Variants in SMARCA2 observed in about 807,000 individuals in gnomAD.
The protein encoded by SMARCA2 is SWI/SNF-related matrix-associated actin-dependent regulator of chromatin subfamily A member 2.
In SMARCA2, 61 loss-of-function variants were observed where a neutral mutation model predicts 199.8. The observed-to-expected ratio is 0.31, with a 90% CI of 0.25 to 0.38. SMARCA2 has a LOEUF of 0.38. SMARCA2 is among the 10% of genes least tolerant of loss of function. The pLI, the probability that SMARCA2 is intolerant of heterozygous loss-of-function variation, is 1.00. For synonymous variants in SMARCA2, 935 were observed against 732.0 expected (o/e 1.28, Z -4.48); for missense variants, 1,344 against 2,012.2 (o/e 0.67, Z 6.35).
chr9:2,069,644 G>C (rs1821005774), intron 9 of SMARCA2, among the ~76,000 whole-genome samples: 1 of 151,978 alleles, frequency 6.6e-6, no homozygotes, highest in Non-Finnish European at 1.5e-5. Flanking sequence ...ACACATGGTA[G>C]AAATACTATA....
In SMARCA2 at chr9:2,066,923, G is replaced by A. The variant is rs543211291; in HGVS notation, c.1693-3495G>A. On this transcript the variant is annotated intron_variant, in intron 9 of 33. Transcript: ENST00000349721. ...GTGTTAATTTTGAACCAAGAAAAAG[G>A]GACAGTTGTGTTTGTTTTGCTTTGT... is the stretch of plus-strand genomic sequence containing the variant. Among the ~76,000 whole-genome samples the A allele has an allele frequency of 1.8e-4, 27 of 152,248 alleles. No individual in the cohort carries two copies. In the East Asian group the frequency reaches 4.8e-3, roughly 27 times the overall value.
chr9:2,107,567 C>T (rs1822812138), intron 23 of SMARCA2, among the ~76,000 whole-genome samples: 1 of 152,192 alleles, frequency 6.6e-6, no homozygotes, highest in Admixed American at 6.5e-5. Context: ...ATCCGCCCAC[C>T]TTGGCCTCCC....
At chr9:2,177,622 A>G (rs12350707) in intron 29 of SMARCA2, among the ~76,000 whole-genome samples, 1,685 of 151,814 alleles carry the variant, frequency 0.011, 30 homozygotes, top group African/African-American at 0.037. Context: ...GCGCGATCTC[A>G]GCTCACCACA....
chr9:2,147,156 A>G (rs1031199027), intron 27 of SMARCA2, among the ~76,000 whole-genome samples: 1 of 152,006 alleles, frequency 6.6e-6, no homozygotes, highest in Non-Finnish European at 1.5e-5. Flanking sequence ...AGATCTGAGC[A>G]ATAGGATACA....
intron 31 of SMARCA2, among the ~76,000 whole-genome samples, chr9:2,183,638 G>GCA (rs1563838357): frequency 0.01 from 1,580 of 151,622 alleles, 26 homozygotes; most frequent in African/African-American, 0.037. Context: ...ATCAAACAAA[G>GCA]GAATAGAGAA....
Position 2,047,453 on chromosome 9 carries a change from C to T in SMARCA2, c.1015C>T (p.Pro339Ser), listed in dbSNP as rs1819915137. ...CATCCAGAAACCGCAAGGCCTGGAC[C>T]CCGTGGAAATTCTGCAAGAGCGGGA... The part of the protein sequence containing the change: ...SPIQKPQGLD[P>S]VEILQEREYR... The change falls in exon 5 of 34, where the codon CCC becomes TCC. Residue 339 changes from proline to serine, a missense_variant. Physicochemically the swap from Pro to Ser is moderately conservative, Grantham distance 74 (BLOSUM62 -1). This residue lies in a region of SMARCA2 where 155 missense variants were observed against 260.0 expected (regional missense o/e 0.60). Coordinates refer to ENST00000349721, the MANE Select transcript of SMARCA2 (RefSeq NM_003070.5). 3 of 1,547,980 alleles carry T rather than the reference C, an allele frequency of 1.9e-6. No individual in the cohort carries two copies. Among genetic ancestry groups the T allele is most frequent in the South Asian group, 1.2e-5 (1 of 82,680 alleles).
chr9:2,062,643 A>G (rs1396146953), intron 9 of SMARCA2, among the ~76,000 whole-genome samples: 1 of 152,114 alleles, frequency 6.6e-6, no homozygotes, highest in African/African-American at 2.4e-5. Flanking sequence ...CTTGCCTTCA[A>G]TTTGGTAATA....
chr9:2,072,031 G>T (rs1481248222), intron 10 of SMARCA2: 1 of 152,194 alleles, frequency 6.6e-6, no homozygotes, highest in African/African-American at 2.4e-5. Context: ...TGTGCTGACA[G>T]TGCTTTGTTG....
At chr9:2,167,980 A>G (rs1826020455) in intron 28 of SMARCA2, among the ~76,000 whole-genome samples, 2 of 151,504 alleles carry the variant, frequency 1.3e-5, no homozygotes, top group South Asian at 2.1e-4. Flanking sequence ...CTTATAATCA[A>G]TTCAGGACAT....
intron 33 of SMARCA2, 88 bp from the exon 34 acceptor site, chr9:2,192,615 TC>T: frequency 1.1e-6 from 1 of 907,578 alleles, no homozygotes; most frequent in Non-Finnish European, 1.9e-6. Context: ...TGTCATTTTT[TC>T]CTACTGGCCT....
At position 2,061,773 on chromosome 9, in the gene SMARCA2, A is replaced by G. The variant is rs112088386; in HGVS notation, c.1692+787A>G. Among the ~76,000 whole-genome samples, 937 of 152,358 alleles carry G rather than the reference A, an allele frequency of 6.1e-3. 10 individuals carry two copies. Among genetic ancestry groups the G allele is most frequent in the African/African-American group, 0.022 (898 of 41,580 alleles). On this transcript the variant is annotated intron_variant, in intron 9 of 33. Transcript: ENST00000349721. ...GGTTGAGGATTGGTAGCATTTAATCATTCATTCTGTATACTGAATAAGTGA... is the reference window on the plus strand; with the variant it reads ...GGTTGAGGATTGGTAGCATTTAATCGTTCATTCTGTATACTGAATAAGTGA...
chr9:2,095,541 G>T (rs1011853218), intron 19 of SMARCA2, among the ~76,000 whole-genome samples: 11 of 152,164 alleles, frequency 7.2e-5, no homozygotes, highest in African/African-American at 2.7e-4. Flanking sequence ...AAAGACTAAA[G>T]CATGTTTTTG....
chr9:2,149,516 C>CA (rs1248547857), intron 27 of SMARCA2, among the ~76,000 whole-genome samples: 2 of 151,200 alleles, frequency 1.3e-5, no homozygotes, highest in Non-Finnish European at 1.5e-5. Flanking sequence ...TGAGACTCCT[C>CA]AAAAAAACAA....
At position 2,032,967 on chromosome 9, in the gene SMARCA2, C is replaced by G. The variant is rs772570058; in HGVS notation, c.241C>G (p.His81Asp). 6.2e-7 allele frequency: 1 copy of G among 1,613,778 alleles called. No homozygotes were observed. Among genetic ancestry groups the G allele is most frequent in the South Asian group, 1.1e-5 (1 of 91,068 alleles). Residue 81 changes from histidine (H) to aspartate (D), a missense_variant, in exon 3 of 34, where the codon CAT becomes GAT. His to Asp is a moderately conservative substitution (Grantham distance 81). Transcript: ENST00000349721. ...AATGTTTCAGCCCATCGATGGTATA[C>G]ATGACAAGGGGATTGTAGAAGACAT... ...HQMHKPIDGI[H>D]DKGIVEDIHC...
Position 2,095,623 on chromosome 9 carries a change from A to T in SMARCA2, c.2884-1034A>T, listed in dbSNP as rs986248880. Among the ~76,000 whole-genome samples, 23 of 152,190 alleles carry T rather than the reference A, an allele frequency of 1.5e-4. 2 individuals carry two copies. Among genetic ancestry groups the T allele is most frequent in the Non-Finnish European group, 1.5e-5 (1 of 68,036 alleles). On this transcript the variant is annotated intron_variant, in intron 19 of 33. Coordinates refer to ENST00000349721, the MANE Select transcript of SMARCA2 (RefSeq NM_003070.5). ...TCTCTAATCTCATTTGATGCATGAA[A>T]ATGTGTGGCCAGAAACTATTAATTG...
At chr9:2,089,518 C>G (rs1396793460) in intron 19 of SMARCA2, among the ~76,000 whole-genome samples, 2 of 152,048 alleles carry the variant, frequency 1.3e-5, no homozygotes, top group Non-Finnish European at 2.9e-5. Context: ...TGGGAGTTTT[C>G]AAGATGGTGT....
At chr9:2,183,725 C>G (rs1827222741) in intron 31 of SMARCA2, among the ~76,000 whole-genome samples, 1 of 152,124 alleles carries the variant, frequency 6.6e-6, no homozygotes, top group Non-Finnish European at 1.5e-5. Context: ...AACAGGAGGT[C>G]TTGAAAGCAA....
At chr9:2,059,069 A>G (rs1035013208) in intron 8 of SMARCA2, among the ~76,000 whole-genome samples, 2 of 152,208 alleles carry the variant, frequency 1.3e-5, no homozygotes, top group Non-Finnish European at 2.9e-5. Context: ...GCATATAAGC[A>G]CAGAAGAGAT....
At chr9:2,024,343 G>T (rs1289800741) in intron 1 of SMARCA2, among the ~76,000 whole-genome samples, 1 of 151,962 alleles carries the variant, frequency 6.6e-6, no homozygotes, top group Non-Finnish European at 1.5e-5. Context: ...GTACCCCTCC[G>T]TGTCCTGCAG....
Sources: gnomAD v4.1 joint callset for allele counts (sites outside exome capture counted in the v4.1 genomes callset) on GRCh38, gnomAD v4.1.1 for gene constraint, gnomAD v4.1.1 regional missense constraint, MANE v1.5 for transcripts, NCBI Gene and HGNC (gene_info 2026-07-23, HGNC 2026-07-21) for gene names.